Variants in WLS observed in about 807,000 individuals in gnomAD.
WLS encodes Wnt ligand secretion mediator, also known as protein wntless homolog.
Under a neutral mutation model 62.8 loss-of-function variants are expected in WLS, and 23 were observed. The observed-to-expected ratio is 0.37, with a 90% CI of 0.26 to 0.52. WLS has a LOEUF of 0.52. WLS is among the 20% of genes least tolerant of loss of function. The pLI is 0.92. For synonymous variants in WLS, 246 were observed against 244.1 expected, an observed-to-expected ratio of 1.01 and a Z score of -0.07; for missense variants, 615 against 697.3, an observed-to-expected ratio of 0.88 and a Z score of 1.33.
chr1:68,154,479 T>C (rs926456651), intron 4 of WLS, among the ~76,000 whole-genome samples: 1 of 152,128 alleles, frequency 6.6e-6, no homozygotes, highest in Non-Finnish European at 1.5e-5. Context: ...TACCATTAAA[T>C]AAAGAAAGCA....
At chr1:68,153,774 G>T (rs1646859105) in intron 4 of WLS, 121 bp from the exon 5 acceptor site, 1 of 1,320,890 alleles carries the variant, frequency 7.6e-7, no homozygotes, top group African/African-American at 1.4e-5. Flanking sequence ...ACGATCAAGA[G>T]CTTTCACATT....
chr1:68,153,982 C>T (rs1055808420), intron 4 of WLS, among the ~76,000 whole-genome samples: 2 of 152,016 alleles, frequency 1.3e-5, no homozygotes, highest in African/African-American at 2.4e-5. Context: ...CAAGAGACTT[C>T]GAATTATCTT....
intron 1 of WLS, among the ~76,000 whole-genome samples, chr1:68,207,588 T>C (rs1557520703): frequency 6.6e-6 from 1 of 152,200 alleles, no homozygotes; most frequent in Non-Finnish European, 1.5e-5. Context: ...GGACTTACTT[T>C]CACAGGAACG....
chr1:68,126,202 G>T lies in WLS; in HGVS notation c.*24C>A. 6.2e-7 allele frequency: 1 copy of T among 1,613,470 alleles called. No individual in the cohort carries two copies. Among genetic ancestry groups the T allele is most frequent in the South Asian group, 1.1e-5 (1 of 90,948 alleles). On this transcript the variant is annotated 3_prime_UTR_variant, in exon 12 of 12. Transcript: ENST00000262348. Reference sequence around the variant, plus strand: ...AGAGGGGCTGGGGTATGGAGAGACCGTCCCAGCCGGGCGCTGCAGCCTCCT... The same window carrying T: ...AGAGGGGCTGGGGTATGGAGAGACCTTCCCAGCCGGGCGCTGCAGCCTCCT...
At chr1:68,200,270 T>C (rs1003940614) in intron 1 of WLS, among the ~76,000 whole-genome samples, 5 of 152,166 alleles carry the variant, frequency 3.3e-5, no homozygotes, top group Non-Finnish European at 7.3e-5. Context: ...ACTTGAGACA[T>C]TGATTTAACA....
chr1:68,133,282 G>A (rs951095054), intron 11 of WLS, among the ~76,000 whole-genome samples: 5 of 152,158 alleles, frequency 3.3e-5, no homozygotes, highest in African/African-American at 1.2e-4. Context: ...TGGTCCACCA[G>A]CCAATAGGAA....
At chr1:68,175,947 C>A (rs1424017853) in intron 2 of WLS, among the ~76,000 whole-genome samples, 2 of 152,150 alleles carry the variant, frequency 1.3e-5, no homozygotes, top group African/African-American at 2.4e-5. Flanking sequence ...AGAAGGGATC[C>A]CGTCTGTTTC....
At chr1:68,152,656 A>G (rs1570900341) in intron 5 of WLS, among the ~76,000 whole-genome samples, 1 of 152,354 alleles carries the variant, frequency 6.6e-6, no homozygotes, top group East Asian at 1.9e-4. Flanking sequence ...AAAGGACTCA[A>G]GAGAGAACAG....
intron 1 of WLS, among the ~76,000 whole-genome samples, chr1:68,225,698 C>T (rs768302980): frequency 6.6e-6 from 1 of 152,124 alleles, no homozygotes; most frequent in African/African-American, 2.4e-5. Context: ...AAAACTTCTC[C>T]GCATGGGAAA....
intron 5 of WLS, among the ~76,000 whole-genome samples, chr1:68,151,228 A>T (rs1165920723): frequency 6.6e-6 from 1 of 152,176 alleles, no homozygotes; most frequent in Non-Finnish European, 1.5e-5. Flanking sequence ...CAGAGCCTGG[A>T]TGGAGGCATA....
At chr1:68,162,359 G>A in intron 2 of WLS, 1 of 1,613,976 alleles carries the variant, frequency 6.2e-7, no homozygotes, top group Non-Finnish European at 8.5e-7. Flanking sequence ...TGTTCGTTGA[G>A]ATTGCAGTGC....
chr1:68,133,728 G>A (rs1030514456), intron 11 of WLS, among the ~76,000 whole-genome samples: 2 of 152,240 alleles, frequency 1.3e-5, no homozygotes, highest in African/African-American at 4.8e-5. Context: ...CCAAAAGAGA[G>A]AAGAAAAAGT....
chr1:68,109,733 G>T (rs969930127), intron 11 of WLS, among the ~76,000 whole-genome samples: 2 of 151,926 alleles, frequency 1.3e-5, no homozygotes, highest in Non-Finnish European at 2.9e-5. Context: ...ATCATTATAG[G>T]TTCCAAGTAA....
At chr1:68,207,985 A>G (rs1398216524) in intron 1 of WLS, among the ~76,000 whole-genome samples, 1 of 152,208 alleles carries the variant, frequency 6.6e-6, no homozygotes, top group Non-Finnish European at 1.5e-5. Context: ...GTTCATCAAT[A>G]TTTAAGGAAC....
At chr1:68,163,989 G>A (rs1051216365) in intron 2 of WLS, among the ~76,000 whole-genome samples, 18 of 152,150 alleles carry the variant, frequency 1.2e-4, no homozygotes, top group African/African-American at 4.3e-4. Context: ...GCAGATCCCT[G>A]GTTCTCAGAA....
In WLS at chr1:68,126,015, C is replaced by T; in HGVS notation, c.*211G>A. 2 of 1,379,404 alleles carry T rather than the reference C, an allele frequency of 1.4e-6. No homozygotes were observed. Among genetic ancestry groups the T allele is most frequent in the Non-Finnish European group, 1.9e-6 (2 of 1,061,086 alleles). 85.4% of individuals were successfully genotyped at this position (1,379,404 alleles called of 1,614,324 possible). On this transcript the variant is annotated 3_prime_UTR_variant, in exon 12 of 12. Transcript: ENST00000262348. ...TGTGTCATACCAGAGTTTTTGTTAT[C>T]ATACACAATGCATTAGTGGCTGCAG... is the stretch of plus-strand genomic sequence containing the variant.
intron 2 of WLS, among the ~76,000 whole-genome samples, chr1:68,171,019 T>C (rs1243435132): frequency 6.6e-6 from 1 of 152,194 alleles, no homozygotes; most frequent in African/African-American, 2.4e-5. Context: ...GCTCTATATT[T>C]TGGTGACATT....
chr1:68,164,706 T>C (rs573940604), intron 2 of WLS, among the ~76,000 whole-genome samples: 93 of 152,326 alleles, frequency 6.1e-4, no homozygotes, highest in African/African-American at 2.2e-3. Flanking sequence ...TACCAGGGGT[T>C]GCAGAAGGCA....
intron 1 of WLS, among the ~76,000 whole-genome samples, chr1:68,225,949 G>C (rs1650122904): frequency 6.6e-6 from 1 of 152,178 alleles, no homozygotes; most frequent in Non-Finnish European, 1.5e-5. Flanking sequence ...GGCTGCTTTA[G>C]TCAATTGGAT....
Sources: allele counts gnomAD v4.1 joint callset (sites outside exome capture counted in the v4.1 genomes callset), GRCh38; gene constraint gnomAD v4.1.1; transcripts MANE v1.5; gene names NCBI Gene and HGNC (gene_info 2026-07-23, HGNC 2026-07-21).